Variants in RBFOX1 observed in about 807,000 individuals in gnomAD.
RBFOX1 encodes the protein RNA binding fox-1 homolog 1.
In RBFOX1, 8 loss-of-function variants were observed where a neutral mutation model predicts 57.7. That is an observed-to-expected ratio of 0.14 (90% confidence interval 0.08 to 0.25). The LOEUF (loss-of-function observed/expected upper bound fraction) is 0.25, where lower values mean the gene tolerates loss of function less well. RBFOX1 is among the 10% of genes least tolerant of loss of function. The pLI is 1.00. For missense variants in RBFOX1, 611 were observed against 548.5 expected (o/e 1.11, Z -1.14); for synonymous variants, 326 against 222.4 (o/e 1.47, Z -4.15).
chr16:6,063,860 T>C (rs999900960), intron 1 of RBFOX1, among the ~76,000 whole-genome samples: 1 of 152,164 alleles, frequency 6.6e-6, no homozygotes, highest in Admixed American at 6.5e-5. Flanking sequence ...AAGTTGTCTG[T>C]CTTTATATCC....
At chr16:7,332,303 A>G (rs1321244483) in intron 4 of RBFOX1, among the ~76,000 whole-genome samples, 1 of 152,230 alleles carries the variant, frequency 6.6e-6, no homozygotes, top group Non-Finnish European at 1.5e-5. Flanking sequence ...AAATTACATA[A>G]CACGTGTAAA....
intron 2 of RBFOX1, among the ~76,000 whole-genome samples, chr16:6,557,820 G>C (rs1278810753): frequency 2.6e-5 from 4 of 152,188 alleles, no homozygotes; most frequent in African/African-American, 9.7e-5. Flanking sequence ...CAAATGTAGA[G>C]CTAAGTAGAT....
rs527518237 is a variant in RBFOX1, at chr16:6,374,622, G to T, written c.-64+57565G>T. 1.2e-4 allele frequency among the ~76,000 whole-genome samples: 19 copies of T among 152,268 alleles called. No individual in the cohort carries two copies. In the East Asian group the frequency reaches 1.7e-3, roughly 14 times the overall value. ...AGAAGACGTTACTCTAGCTGAAAAT[G>T]TCTTTTTTCCACAGTACTTTATATC... On this transcript the variant is annotated intron_variant, in intron 2 of 15. Transcript: ENST00000550418.
At position 6,631,976 on chromosome 16, in the gene RBFOX1, C is replaced by A. The variant is rs562213138; in HGVS notation, c.-63-22627C>A. Among the ~76,000 whole-genome samples the A allele has an allele frequency of 4.6e-5, 7 of 152,212 alleles. No individual in the cohort carries two copies. In the South Asian group the frequency reaches 1.5e-3, roughly 32 times the overall value. On this transcript the variant is annotated intron_variant, in intron 2 of 15. Coordinates refer to ENST00000550418, the MANE Select transcript of RBFOX1 (RefSeq NM_018723.4). ...CTATGTTGGGAGCTGGGTTTATTCT[C>A]AATGGAAGGAGAGGCCATTAGGGTT...
intron 3 of RBFOX1, among the ~76,000 whole-genome samples, chr16:5,636,733 A>C (rs2048697024): frequency 6.6e-6 from 1 of 152,212 alleles, no homozygotes; most frequent in Non-Finnish European, 1.5e-5. Context: ...GCAGTGGACC[A>C]GGTGAGACCG....
intron 3 of RBFOX1, among the ~76,000 whole-genome samples, chr16:6,693,104 C>A (rs2060466812): frequency 6.7e-6 from 1 of 149,962 alleles, no homozygotes; most frequent in African/African-American, 2.4e-5. Flanking sequence ...TCATCATCAT[C>A]CTCATCCTCC....
chr16:7,564,798 A>AT (rs35762412), intron 5 of RBFOX1, among the ~76,000 whole-genome samples: 1 of 151,714 alleles, frequency 6.6e-6, no homozygotes, highest in Non-Finnish European at 1.5e-5. Context: ...CATTCATCCT[A>AT]TTTTTTTCCC....
At chr16:5,939,734 A>G (rs950858754) in intron 4 of RBFOX1, among the ~76,000 whole-genome samples, 3 of 152,208 alleles carry the variant, frequency 2.0e-5, no homozygotes, top group Non-Finnish European at 2.9e-5. Flanking sequence ...CTGTGGATGT[A>G]TTCTAAAACC....
At chr16:7,201,988 T>A (rs1368674581) in intron 4 of RBFOX1, among the ~76,000 whole-genome samples, 1 of 152,152 alleles carries the variant, frequency 6.6e-6, no homozygotes, top group Non-Finnish European at 1.5e-5. Flanking sequence ...CTAAGTAGCA[T>A]GTGTTAGGAG....
intron 3 of RBFOX1, among the ~76,000 whole-genome samples, chr16:6,673,041 C>A (rs2098777211): frequency 6.6e-6 from 1 of 152,100 alleles, no homozygotes; most frequent in African/African-American, 2.4e-5. Flanking sequence ...AAGACAGCTC[C>A]CTGAAGAAAA....
chr16:6,164,978 C>T (rs1050945319), intron 1 of RBFOX1, among the ~76,000 whole-genome samples: 5 of 152,010 alleles, frequency 3.3e-5, no homozygotes, highest in South Asian at 4.2e-4. Flanking sequence ...TATGAAATGG[C>T]ATATTATTGT....
intron 3 of RBFOX1, among the ~76,000 whole-genome samples, chr16:6,934,708 T>G (rs1289786921): frequency 6.6e-6 from 1 of 150,540 alleles, no homozygotes; most frequent in Admixed American, 6.6e-5. Flanking sequence ...GAGATTTTTT[T>G]CTTTAAAGGA....
intron 4 of RBFOX1, among the ~76,000 whole-genome samples, chr16:7,411,902 CAAAAAAAA>C (rs60700135): frequency 2.2e-4 from 21 of 95,394 alleles, no homozygotes; most frequent in East Asian, 2.0e-3. Flanking sequence ...AAACTCCTTT[CAAAAAAAA>C]AAAAAAAAAA....
intron 1 of RBFOX1, among the ~76,000 whole-genome samples, chr16:5,292,841 T>G (rs1007682709): frequency 4.6e-5 from 7 of 152,068 alleles, no homozygotes; most frequent in South Asian, 4.2e-4. Flanking sequence ...GCCAGGATGG[T>G]CTTGATCTCC....
At chr16:6,604,289 A>T (rs576126092) in intron 2 of RBFOX1, among the ~76,000 whole-genome samples, 2 of 152,222 alleles carry the variant, frequency 1.3e-5, no homozygotes, top group East Asian at 3.9e-4. Context: ...AAAAAACCTC[A>T]ATAAATATTA....
Position 7,007,493 on chromosome 16 carries a change from C to T in RBFOX1, c.-15-44564C>T, listed in dbSNP as rs368820258. Among the ~76,000 whole-genome samples the T allele has an allele frequency of 7.2e-5, 11 of 152,232 alleles. No individual in the cohort carries two copies. The South Asian group carries it at 1.2e-3, about 17-fold the overall frequency. On this transcript the variant is annotated intron_variant, in intron 3 of 15. Coordinates refer to ENST00000550418, the MANE Select transcript of RBFOX1 (RefSeq NM_018723.4). ...CTAGAAAATCCTATTTGTCATGTCA[C>T]GCATCGTATTGACAGGTTCTGGGGA...
intron 4 of RBFOX1, among the ~76,000 whole-genome samples, chr16:7,197,998 CTTTTTTT>C (rs945404947): frequency 4.9e-4 from 27 of 55,598 alleles, no homozygotes; most frequent in African/African-American, 8.1e-4. Flanking sequence ...TTCTTTCTTT[CTTTTTTT>C]TTTTTTTTTT....
chr16:5,447,432 C>A (rs1299030024), intron 1 of RBFOX1, among the ~76,000 whole-genome samples: 7 of 143,764 alleles, frequency 4.9e-5, no homozygotes, highest in Non-Finnish European at 9.0e-5. Context: ...GCTGTTTCAC[C>A]CATGCTGGAG....
intron 3 of RBFOX1, among the ~76,000 whole-genome samples, chr16:6,833,501 G>T (rs958228473): frequency 6.6e-6 from 1 of 152,190 alleles, no homozygotes; most frequent in Non-Finnish European, 1.5e-5. Flanking sequence ...TTCTCAGGGA[G>T]ACCCTCCTTG....
Sources: allele counts gnomAD v4.1 joint callset (sites outside exome capture counted in the v4.1 genomes callset), GRCh38; gene constraint gnomAD v4.1.1; transcripts MANE v1.5; gene names NCBI Gene and HGNC (gene_info 2026-07-23, HGNC 2026-07-21).